The following CYTH1 variants were observed in gnomAD, a reference collection of about 807,000 sequenced individuals.
CYTH1 encodes the protein cytohesin-1.
A neutral mutation model predicts 61.8 loss-of-function variants in CYTH1; 18 were observed. That is an observed-to-expected ratio of 0.29 (90% CI 0.20 to 0.43). CYTH1 has a LOEUF of 0.43. CYTH1 is among the 20% of genes least tolerant of loss of function. The probability of loss-of-function intolerance (pLI) is 1.00; values close to 1 mark genes in which losing one functional copy is unlikely to be tolerated. For synonymous variants in CYTH1, 174 were observed against 184.3 expected, an observed-to-expected ratio of 0.94 and a Z score of 0.45; for missense variants, 336 against 510.5, an observed-to-expected ratio of 0.66 and a Z score of 3.29.
chr17:78,722,300 C>T (rs2093235458), intron 1 of CYTH1, among the ~76,000 whole-genome samples: 1 of 152,188 alleles, frequency 6.6e-6, no homozygotes, highest in African/African-American at 2.4e-5. Flanking sequence ...GCTGGGGTTT[C>T]CCAGCAGCTT....
intron 1 of CYTH1, among the ~76,000 whole-genome samples, chr17:78,768,897 G>A (rs1413477188): frequency 2.0e-5 from 3 of 152,110 alleles, no homozygotes; most frequent in Non-Finnish European, 2.9e-5. Context: ...CCTCACACCA[G>A]CACCTTGGGA....
intron 1 of CYTH1, among the ~76,000 whole-genome samples, chr17:78,766,015 G>A (rs77108863): frequency 5.4e-4 from 81 of 150,920 alleles, no homozygotes; most frequent in African/African-American, 1.9e-3. Flanking sequence ...CAGCACTTTG[G>A]GGGTGGGAGG....
At chr17:78,776,955 G>C (rs751006696) in intron 1 of CYTH1, among the ~76,000 whole-genome samples, 4 of 151,464 alleles carry the variant, frequency 2.6e-5, no homozygotes, top group Admixed American at 6.6e-5. Flanking sequence ...GAGAAACCCT[G>C]TCTCCAGTAA....
At chr17:78,749,104 A>T (rs1248038311) in intron 1 of CYTH1, among the ~76,000 whole-genome samples, 1 of 152,134 alleles carries the variant, frequency 6.6e-6, no homozygotes, top group African/African-American at 2.4e-5. Flanking sequence ...CCTGTTATTG[A>T]TTTAAAAACA....
chr17:78,731,682 C>T (rs995416127), intron 1 of CYTH1, among the ~76,000 whole-genome samples: 3 of 142,942 alleles, frequency 2.1e-5, no homozygotes, highest in African/African-American at 5.2e-5. Flanking sequence ...GGCGTGAACC[C>T]GGGAGGCGAA....
intron 1 of CYTH1, among the ~76,000 whole-genome samples, chr17:78,756,290 G>A (rs1483896054): frequency 1.3e-5 from 2 of 151,896 alleles, no homozygotes. Context: ...TGGCCAGGCT[G>A]GTCTTGAACA....
intron 11 of CYTH1, among the ~76,000 whole-genome samples, chr17:78,683,983 C>G (rs1405556995): frequency 6.6e-6 from 1 of 152,212 alleles, no homozygotes; most frequent in Non-Finnish European, 1.5e-5. Flanking sequence ...TACTCTTTGA[C>G]TGGTGAGGCC....
intron 1 of CYTH1, among the ~76,000 whole-genome samples, chr17:78,747,788 T>G (rs2093365117): frequency 6.6e-6 from 1 of 152,228 alleles, no homozygotes; most frequent in Non-Finnish European, 1.5e-5. Flanking sequence ...CTTTACCCAC[T>G]CATGAGCTGA....
intron 1 of CYTH1, among the ~76,000 whole-genome samples, chr17:78,775,248 G>T (rs1218348643): frequency 6.6e-6 from 1 of 152,192 alleles, no homozygotes; most frequent in East Asian, 1.9e-4. Flanking sequence ...GGCCGCTGGG[G>T]GTTAGGGGAA....
At chr17:78,750,812 A>C (rs1040107811) in intron 1 of CYTH1, among the ~76,000 whole-genome samples, 3 of 151,732 alleles carry the variant, frequency 2.0e-5, no homozygotes, top group Admixed American at 2.0e-4. Context: ...AAAAAAAAAA[A>C]AAACAAAAAT....
At chr17:78,711,903 C>T (rs1034123612) in intron 1 of CYTH1, among the ~76,000 whole-genome samples, 2 of 151,792 alleles carry the variant, frequency 1.3e-5, no homozygotes, top group Non-Finnish European at 2.9e-5. Context: ...TGGTGAAACC[C>T]TGTCTCTACT....
At chr17:78,744,192 A>G (rs957140630) in intron 1 of CYTH1, among the ~76,000 whole-genome samples, 2 of 152,202 alleles carry the variant, frequency 1.3e-5, no homozygotes, top group Non-Finnish European at 2.9e-5. Flanking sequence ...CTTCATGTTT[A>G]CCAGAAGTGC....
At chr17:78,781,427 A>C (rs1044339065) in intron 1 of CYTH1, among the ~76,000 whole-genome samples, 3 of 152,342 alleles carry the variant, frequency 2.0e-5, no homozygotes, top group Admixed American at 2.0e-4. Flanking sequence ...CAGCAGCCTC[A>C]ACGCGCGGGA....
At chr17:78,737,411 A>G (rs2093325016) in intron 1 of CYTH1, among the ~76,000 whole-genome samples, 1 of 152,146 alleles carries the variant, frequency 6.6e-6, no homozygotes, top group Admixed American at 6.5e-5. Flanking sequence ...TTTTCCATCC[A>G]CAATAGGTTA....
chr17:78,759,036 G>A (rs1245007165), intron 1 of CYTH1, among the ~76,000 whole-genome samples: 3 of 152,166 alleles, frequency 2.0e-5, no homozygotes, highest in African/African-American at 7.2e-5. Context: ...ATAGGAGATC[G>A]AGGTTGCAGT....
intron 1 of CYTH1, among the ~76,000 whole-genome samples, chr17:78,760,388 C>CAT (rs1437014335): frequency 3.7e-4 from 17 of 45,920 alleles, no homozygotes; most frequent in African/African-American, 1.4e-3. Context: ...TATATATACA[C>CAT]ACACATACAT....
At chr17:78,759,661 A>G (rs1255448331) in intron 1 of CYTH1, among the ~76,000 whole-genome samples, 2 of 152,198 alleles carry the variant, frequency 1.3e-5, no homozygotes, top group African/African-American at 4.8e-5. Flanking sequence ...AAACCCTCCA[A>G]GCGGAATACT....
At chr17:78,738,788 G>C (rs750892750) in intron 1 of CYTH1, among the ~76,000 whole-genome samples, 2 of 152,170 alleles carry the variant, frequency 1.3e-5, no homozygotes, top group African/African-American at 4.8e-5. Context: ...CTGGTATCAG[G>C]TCTGATTCAC....
rs73389832 is a variant in CYTH1, at chr17:78,728,095, A to G, written c.23-18363T>C. 2.7e-3 allele frequency: 433 copies of G among 157,592 alleles called. 1 individual carries two copies. Among genetic ancestry groups the G allele is most frequent in the African/African-American group, 9.9e-3 (413 of 41,616 alleles). The allele number at this position is 157,592 out of a possible 1,614,324, so 9.8% of individuals were successfully genotyped here. On this transcript the variant is annotated intron_variant, in intron 1 of 13. Coordinates refer to ENST00000446868, the MANE Select transcript of CYTH1 (RefSeq NM_004762.6). ...CTCTGGACAAACTCTATTCTACCCC[A>G]AACACTGGTAAATCCTCCCCAAGCC...
Sources: gnomAD v4.1 joint callset for allele counts (sites outside exome capture counted in the v4.1 genomes callset) on GRCh38, gnomAD v4.1.1 for gene constraint, MANE v1.5 for transcripts, NCBI Gene and HGNC (gene_info 2026-07-23, HGNC 2026-07-21) for gene names.